Variants in SELPLG observed in about 807,000 individuals in gnomAD.
The protein encoded by SELPLG is P-selectin glycoprotein ligand 1.
SELPLG carries 2 observed loss-of-function variants against 1.1 expected under a neutral mutation model. The observed-to-expected ratio is 1.82, with a 90% CI of 0.74 to 5.71. The LOEUF is 5.71. Among genes scored for constraint, SELPLG ranks in the 30% most tolerant of loss-of-function variants. The pLI is 0.05. For synonymous variants in SELPLG, 230 were observed against 221.2 expected (o/e 1.04, Z -0.35); for missense variants, 478 against 524.7 (o/e 0.91, Z 0.87).
In SELPLG at chr12:108,623,123, C is replaced by T. The variant is rs1179860726; in HGVS notation, c.1185G>A (p.Glu395=). 1 of 1,584,470 alleles carries T rather than the reference C, an allele frequency of 6.3e-7. No homozygotes were observed. The highest frequency in any genetic ancestry group is 1.8e-5 in the Admixed American group (1 of 54,746). Residue 395 remains glutamate (E), a synonymous_variant, in exon 2 of 2, where the codon GAG becomes GAA. Transcript: ENST00000550948. ...CATCCCCCTCACGGTCCTCCCTGGG[C>T]TCTGGCGTCAGGCCCGGGCTCTTGG... ...SKAKSPGLTP[E]PREDREGDDL...
intron 1 of SELPLG, among the ~76,000 whole-genome samples, chr12:108,632,600 C>T (rs2032081527): frequency 1.3e-5 from 2 of 151,990 alleles, no homozygotes; most frequent in Admixed American, 1.3e-4. Context: ...CTGCGACCTC[C>T]CCCTCCCAGG....
At chr12:108,624,334 A>G in intron 1 of SELPLG, 22 bp from the exon 2 acceptor site, 2 of 1,605,330 alleles carry the variant, frequency 1.2e-6, no homozygotes, top group South Asian at 2.2e-5. Context: ...CAATGGGCGG[A>G]GGGATGTCAA....
chr12:108,623,348 G>C lies in SELPLG; in HGVS notation c.960C>G (p.Cys320Trp). 6.2e-7 allele frequency: 1 copy of C among 1,614,258 alleles called. No individual in the cohort carries two copies. Among genetic ancestry groups the C allele is most frequent in the Non-Finnish European group, 8.5e-7 (1 of 1,180,050 alleles). Residue 320 changes from cysteine (C) to tryptophan (W), a missense_variant, in exon 2 of 2, where the codon TGC (cysteine) becomes TGG (tryptophan). By Grantham distance (215) the Cys-to-Trp change is radical. Transcript: ENST00000550948. ...GCGCCAAGATTAGGATGGCCAGCAGGCACTGCTTCACAGAGATGTGGTCTG... is the reference window on the plus strand; with the variant it reads ...GCGCCAAGATTAGGATGGCCAGCAGCCACTGCTTCACAGAGATGTGGTCTG... Reference protein sequence around the residue: ...GAPDHISVKQCLLAILILALV... With the variant: ...GAPDHISVKQWLLAILILALV...
rs762503011 is a variant in SELPLG at position 108,624,256 on chromosome 12, A to G, written c.52T>C (p.Leu18=). ...LLILLGPGNS[L]QLWDTWADEA... ...TCTGCCCAGGTGTCCCACAGCTGCA[A>G]GCTGTTGCCAGGGCCCAGTAGGATC... Residue 18 remains leucine (L), a synonymous_variant, in exon 2 of 2, where the codon TTG becomes CTG. Coordinates refer to ENST00000550948, the MANE Select transcript of SELPLG (RefSeq NM_003006.4). 1.2e-5 allele frequency: 19 copies of G among 1,614,202 alleles called. No individual in the cohort carries two copies. The South Asian group carries it at 2.1e-4, about 18-fold the overall frequency.
chr12:108,625,570 C>G (rs947583400), intron 1 of SELPLG, among the ~76,000 whole-genome samples: 2 of 152,220 alleles, frequency 1.3e-5, no homozygotes, highest in Non-Finnish European at 2.9e-5. Context: ...AAACTCAAAT[C>G]TCTTCAGAAC....
Position 108,623,070 on chromosome 12 carries a change from T to C in SELPLG, c.1238A>G (p.Ter413TrpextTer73), listed in dbSNP as rs1157162928. The C allele has an allele frequency of 6.7e-7, 1 of 1,491,660 alleles. No homozygotes were observed. The allele number at this position is 1,491,660 out of a possible 1,614,324, so 92.4% of individuals were successfully genotyped here. Residue 413 changes from the stop codon to tryptophan (W), a stop_lost, in exon 2 of 2, where the codon TAG becomes TGG. Transcript: ENST00000550948. The part of the protein sequence containing the change: ...DDLTLHSFLP[*>W] The stretch of plus-strand genomic sequence containing the variant: ...TGCCAAAACAGATGGCAGAGTGAGC[T>C]AAGGGAGGAAGCTGTGCAGGGTGAG...
At chr12:108,628,952 AATC>A (rs1470974329) in intron 1 of SELPLG, among the ~76,000 whole-genome samples, 2 of 152,242 alleles carry the variant, frequency 1.3e-5, no homozygotes, top group African/African-American at 2.4e-5. Flanking sequence ...GCTTAAAAAA[AATC>A]ATCATGAGAA....
Position 108,623,819 on chromosome 12 carries a change from G to A in SELPLG, c.489C>T (p.Thr163=). 3 of 1,612,842 alleles carry A rather than the reference G, an allele frequency of 1.9e-6. No homozygotes were observed. Among genetic ancestry groups the A allele is most frequent in the Non-Finnish European group, 2.5e-6 (3 of 1,179,554 alleles). The change falls in exon 2 of 2, where the codon ACC becomes ACT. Residue 163 remains threonine, a synonymous_variant. Transcript: ENST00000550948. The stretch of plus-strand genomic sequence containing the variant: ...GTGCCTCTGTGGCTGCCAGTGGAGT[G>A]GTCTGTGCCTCCGTGGCCGTCAGTC... ...TTRLTATEAQ[T]TPLAATEAQT...
intron 1 of SELPLG, among the ~76,000 whole-genome samples, chr12:108,626,175 C>T (rs2031933627): frequency 6.8e-6 from 1 of 147,018 alleles, no homozygotes; most frequent in Non-Finnish European, 1.5e-5. Flanking sequence ...CGCTCTGTTG[C>T]CCAGGATGGA....
chr12:108,624,443 G>A lies in SELPLG; in HGVS notation c.-5-131C>T, dbSNP rs367984176. 2.2e-5 allele frequency: 17 copies of A among 769,252 alleles called. No individual in the cohort carries two copies. The African/African-American group carries it at 2.6e-4, about 12-fold the overall frequency. The allele number at this position is 769,252 out of a possible 1,614,324, so 47.7% of individuals were successfully genotyped here. A position where few individuals can be genotyped will look rare whatever the true frequency, so the allele number is the denominator to read the frequency against. On this transcript the variant is annotated intron_variant, in intron 1 of 1. Coordinates refer to ENST00000550948, the MANE Select transcript of SELPLG (RefSeq NM_003006.4). ...GTCTGGAGCAGGGACTGGGGACTTA[G>A]GCATCCCTGACATGCCTGGGATGGA... is the stretch of plus-strand genomic sequence containing the variant.
At chr12:108,631,247 C>A (rs1178337428) in intron 1 of SELPLG, among the ~76,000 whole-genome samples, 1 of 152,100 alleles carries the variant, frequency 6.6e-6, no homozygotes, top group African/African-American at 2.4e-5. Context: ...TTATCATCGC[C>A]CTTATGAAAG....
At position 108,622,757 on chromosome 12, in the gene SELPLG, G is replaced by C. The variant is rs1429457309; in HGVS notation, c.*312C>G. On this transcript the variant is annotated 3_prime_UTR_variant, in exon 2 of 2. Coordinates refer to ENST00000550948, the MANE Select transcript of SELPLG (RefSeq NM_003006.4). ...GGAGAGCCATGGGAGATGTTAGAGG[G>C]ACCCAGAGAAGATGGGGGACAGGAA... The C allele has an allele frequency of 1.5e-5, 5 of 331,278 alleles. No homozygotes were observed. The highest frequency in any genetic ancestry group is 2.8e-5 in the Non-Finnish European group (5 of 180,490). 20.5% of individuals were successfully genotyped at this position (331,278 alleles called of 1,614,324 possible). A position where few individuals can be genotyped will look rare whatever the true frequency, so the allele number is the denominator to read the frequency against.
Position 108,624,075 on chromosome 12 carries a change from G to A in SELPLG, c.233C>T (p.Pro78Leu), listed in dbSNP as rs758392715. The change falls in exon 2 of 2, where the codon CCT becomes CTT. Residue 78 changes from proline (P) to leucine (L), a missense_variant. Physicochemically the swap from Pro to Leu is moderately conservative, Grantham distance 98. Transcript: ENST00000550948. Reference protein sequence around the residue: ...DTTPLTGPGTPESTTVEPAAR... With the variant: ...DTTPLTGPGTLESTTVEPAAR... ...AGCAGGCTCCACAGTGGTAGACTCA[G>A]GGGTTCCAGGCCCAGTCAGAGGAGT... is the stretch of plus-strand genomic sequence containing the variant. 1 of 1,614,214 alleles carries A rather than the reference G, an allele frequency of 6.2e-7. No individual in the cohort carries two copies. Among genetic ancestry groups the A allele is most frequent in the South Asian group, 1.1e-5 (1 of 91,078 alleles).
chr12:108,627,721 T>C (rs992352656), intron 1 of SELPLG, among the ~76,000 whole-genome samples: 7 of 152,172 alleles, frequency 4.6e-5, no homozygotes, highest in Admixed American at 4.6e-4. Context: ...GCAGATCACT[T>C]GAGCCCATGA....
chr12:108,625,039 A>G (rs1480303173), intron 1 of SELPLG, among the ~76,000 whole-genome samples: 1 of 152,158 alleles, frequency 6.6e-6, no homozygotes, highest in African/African-American at 2.4e-5. Flanking sequence ...AATCTATCAT[A>G]AGAGTAAAGT....
intron 1 of SELPLG, among the ~76,000 whole-genome samples, chr12:108,632,865 A>G (rs2032086169): frequency 6.6e-6 from 1 of 152,174 alleles, no homozygotes; most frequent in Admixed American, 6.5e-5. Flanking sequence ...TGCTAACAAT[A>G]GTATCTTAAT....
chr12:108,624,005 C>T lies in SELPLG; in HGVS notation c.303G>A (p.Glu101=). 1 of 1,614,222 alleles carries T rather than the reference C, an allele frequency of 6.2e-7. No homozygotes were observed. The highest frequency in any genetic ancestry group is 1.7e-4 in the Middle Eastern group (1 of 6,060). ...TGLDAGGAVT[E]LTTELANMGN... is the part of the protein sequence containing the mutation. Reference sequence around the variant, plus strand: ...CCATGTTGGCCAGCTCCGTGGTCAGCTCTGTGACTGCCCCTCCTGCATCCA... The same window carrying T: ...CCATGTTGGCCAGCTCCGTGGTCAGTTCTGTGACTGCCCCTCCTGCATCCA... The change falls in exon 2 of 2, where the codon GAG becomes GAA. Residue 101 remains glutamate, a synonymous_variant. Coordinates refer to ENST00000550948, the MANE Select transcript of SELPLG (RefSeq NM_003006.4).
rs1166961460 is a variant in SELPLG, at chr12:108,623,477, A to G, written c.831T>C (p.Thr277=). ...SATEALSMEP[T]TKRGLFIPFS... ...AGGGTATGAACAGACCTCTTTTGGTAGTAGGTTCCATGGACAGGGCCTCTG... is the reference window on the plus strand; with the variant it reads ...AGGGTATGAACAGACCTCTTTTGGTGGTAGGTTCCATGGACAGGGCCTCTG... The change falls in exon 2 of 2, where the codon ACT becomes ACC. Residue 277 remains threonine, a synonymous_variant. Coordinates refer to ENST00000550948, the MANE Select transcript of SELPLG (RefSeq NM_003006.4). The G allele has an allele frequency of 6.2e-7, 1 of 1,614,238 alleles. No individual in the cohort carries two copies. The highest frequency in any genetic ancestry group is 1.1e-5 in the South Asian group (1 of 91,084).
intron 1 of SELPLG, among the ~76,000 whole-genome samples, chr12:108,631,047 C>A (rs2032039962): frequency 6.6e-6 from 1 of 152,130 alleles, no homozygotes; most frequent in Admixed American, 6.5e-5. Context: ...CTCCTGGCAT[C>A]CCCAGGGGCC....
Sources: allele counts gnomAD v4.1 joint callset (sites outside exome capture counted in the v4.1 genomes callset), GRCh38; gene constraint gnomAD v4.1.1; transcripts MANE v1.5; gene names NCBI Gene and HGNC (gene_info 2026-07-23, HGNC 2026-07-21).